Variants in GPR137C observed in about 807,000 individuals in gnomAD.
GPR137C encodes the protein integral membrane protein GPR137C.
Under a neutral mutation model 43.4 loss-of-function variants are expected in GPR137C, and 27 were observed. That is an observed-to-expected ratio of 0.62 (90% CI 0.46 to 0.86). The LOEUF (loss-of-function observed/expected upper bound fraction) is 0.86, where lower values mean the gene tolerates loss of function less well. GPR137C is among the 40% of genes least tolerant of loss of function. The pLI, the probability that GPR137C is intolerant of heterozygous loss-of-function variation, is 0.00. For synonymous variants in GPR137C, 285 were observed against 226.9 expected, an observed-to-expected ratio of 1.26 and a Z score of -2.30; for missense variants, 522 against 534.6, an observed-to-expected ratio of 0.98 and a Z score of 0.23.
chr14:52,625,532 CTTTTTTTTTTTTTTTTTTTTTTTTT>C (rs770278309), intron 3 of GPR137C, among the ~76,000 whole-genome samples: 159 of 36,084 alleles, frequency 4.4e-3, no homozygotes, highest in African/African-American at 0.016. Flanking sequence ...AAGAACACAT[CTTTTTTTTTTTTTTTTTTTTTTTTT>C]TTTTTTTTTT....
intron 1 of GPR137C, among the ~76,000 whole-genome samples, chr14:52,591,831 A>C (rs1402478122): frequency 1.3e-5 from 2 of 152,166 alleles, no homozygotes; most frequent in Non-Finnish European, 1.5e-5. Flanking sequence ...TTATTTAATT[A>C]GATCCCATTT....
chr14:52,583,736 C>T (rs62005393), intron 1 of GPR137C, among the ~76,000 whole-genome samples: 4,093 of 152,086 alleles, frequency 0.027, 103 homozygotes, highest in Middle Eastern at 0.054. Context: ...GTAATAATAA[C>T]TTCCACCTTC....
intron 1 of GPR137C, among the ~76,000 whole-genome samples, chr14:52,556,774 T>C (rs2038201110): frequency 6.6e-6 from 1 of 151,970 alleles, no homozygotes; most frequent in Non-Finnish European, 1.5e-5. Context: ...CACATGAACC[T>C]CCTGAATCTA....
chr14:52,586,566 G>A (rs993091124), intron 1 of GPR137C, among the ~76,000 whole-genome samples: 3 of 152,102 alleles, frequency 2.0e-5, no homozygotes, highest in South Asian at 2.1e-4. Flanking sequence ...TGATTCTTAT[G>A]TTTCTCTCCT....
intron 1 of GPR137C, among the ~76,000 whole-genome samples, chr14:52,584,096 G>T (rs993273305): frequency 1.4e-4 from 22 of 152,030 alleles, no homozygotes; most frequent in Non-Finnish European, 1.5e-4. Context: ...TGCCAAACCT[G>T]TTCATTCACC....
intron 1 of GPR137C, among the ~76,000 whole-genome samples, chr14:52,567,061 C>G (rs753797096): frequency 2.0e-4 from 31 of 152,074 alleles, no homozygotes; most frequent in Middle Eastern, 3.2e-3. Context: ...TGCAGTGAGC[C>G]AAGATCACAC....
intron 3 of GPR137C, chr14:52,611,657 A>AATGTATTTAT (rs2039040357): frequency 1.8e-6 from 1 of 550,196 alleles, no homozygotes. Flanking sequence ...TCAGGATATA[A>AATGTATTTAT]ATGTATTTAT....
Position 52,633,550 on chromosome 14 carries a change from T to C in GPR137C, c.888T>C (p.Ser296=), listed in dbSNP as rs772320597. The C allele has an allele frequency of 6.2e-7, 1 of 1,612,162 alleles. No individual in the cohort carries two copies. The highest frequency in any genetic ancestry group is 1.1e-5 in the South Asian group (1 of 91,012). Residue 296 remains serine (S), a synonymous_variant, in exon 5 of 7, where the codon AGT becomes AGC. Transcript: ENST00000321662. ...LSDKAHVEDI[S]GEEYIVFGMV... Reference sequence around the variant, plus strand: ...TACAGGCTCATGTAGAAGACATAAGTGGAGAAGAGTATATAGTATTTGGAA... The same window carrying C: ...TACAGGCTCATGTAGAAGACATAAGCGGAGAAGAGTATATAGTATTTGGAA...
At chr14:52,559,247 G>A (rs996769749) in intron 1 of GPR137C, among the ~76,000 whole-genome samples, 9 of 151,986 alleles carry the variant, frequency 5.9e-5, no homozygotes, top group African/African-American at 1.7e-4. Context: ...ATGGTGGCAC[G>A]CGCCTGTAGT....
chr14:52,553,722 G>C lies in GPR137C; in HGVS notation c.444+131G>C. ...GACTGGAAACCAGCCTGGGGAAACT[G>C]AGGCACACCTGGAGTGTGAGCCAGT... On this transcript the variant is annotated intron_variant, in intron 1 of 6. Transcript: ENST00000321662. 5.3e-6 allele frequency: 4 copies of C among 753,598 alleles called. No individual in the cohort carries two copies. The South Asian group carries it at 7.5e-5, about 14-fold the overall frequency. The allele number at this position is 753,598 out of a possible 1,614,324, so 46.7% of individuals were successfully genotyped here.
At chr14:52,571,779 G>A (rs940392941) in intron 1 of GPR137C, among the ~76,000 whole-genome samples, 10 of 151,836 alleles carry the variant, frequency 6.6e-5, no homozygotes, top group African/African-American at 9.7e-5. Flanking sequence ...ATAGAGATAC[G>A]AAAAAACCTT....
chr14:52,571,968 C>G (rs2139460921), intron 1 of GPR137C, among the ~76,000 whole-genome samples: 1 of 152,288 alleles, frequency 6.6e-6, no homozygotes, highest in South Asian at 2.1e-4. Context: ...ACTGCAAACA[C>G]CTGTACACAA....
intron 1 of GPR137C, among the ~76,000 whole-genome samples, chr14:52,579,837 T>C (rs1358851507): frequency 6.6e-6 from 1 of 152,208 alleles, no homozygotes; most frequent in Admixed American, 6.5e-5. Context: ...ATTTTTTTTA[T>C]TGCGAGCTGG....
intron 3 of GPR137C, among the ~76,000 whole-genome samples, chr14:52,624,129 C>A (rs1475009981): frequency 2.7e-5 from 4 of 148,710 alleles, no homozygotes; most frequent in Admixed American, 2.7e-4. Context: ...GAAGAAAATT[C>A]TTAAATATTG....
At chr14:52,634,894 C>T (rs367668896) in intron 6 of GPR137C, 44 bp from the exon 7 acceptor site, 135 of 1,567,310 alleles carry the variant, frequency 8.6e-5, no homozygotes, top group Non-Finnish European at 1.1e-4. Flanking sequence ...CTTCTTATAT[C>T]CTGATCATAG....
intron 1 of GPR137C, among the ~76,000 whole-genome samples, chr14:52,577,313 C>A (rs1239436756): frequency 6.7e-6 from 1 of 149,388 alleles, no homozygotes; most frequent in Non-Finnish European, 1.5e-5. Context: ...AAAATAGATA[C>A]CAAAACCTCT....
intron 3 of GPR137C, among the ~76,000 whole-genome samples, chr14:52,629,382 G>A (rs746784414): frequency 6.6e-6 from 1 of 152,142 alleles, no homozygotes; most frequent in Non-Finnish European, 1.5e-5. Flanking sequence ...AGTGGAATTA[G>A]TGTGATTTAC....
chr14:52,575,198 A>AT (rs1424002288), intron 1 of GPR137C, among the ~76,000 whole-genome samples: 1 of 152,140 alleles, frequency 6.6e-6, no homozygotes, highest in Non-Finnish European at 1.5e-5. Context: ...TCACCCATAA[A>AT]TTTAATACTT....
At chr14:52,568,324 C>T (rs2038404977) in intron 1 of GPR137C, among the ~76,000 whole-genome samples, 1 of 152,124 alleles carries the variant, frequency 6.6e-6, no homozygotes, top group Non-Finnish European at 1.5e-5. Context: ...CAGGAGATTC[C>T]CTTGGGTGCC....
Sources: allele counts gnomAD v4.1 joint callset (sites outside exome capture counted in the v4.1 genomes callset), GRCh38; gene constraint gnomAD v4.1.1; transcripts MANE v1.5; gene names NCBI Gene and HGNC (gene_info 2026-07-23, HGNC 2026-07-21).